TET1: variants seen among roughly 807,000 people sequenced by gnomAD.
TET1 encodes methylcytosine dioxygenase TET1.
TET1 carries 13 observed loss-of-function variants against 148.7 expected under a neutral mutation model. That is an observed-to-expected ratio of 0.09 (90% confidence interval 0.06 to 0.14). TET1 has a LOEUF of 0.14. TET1 is among the 10% of genes least tolerant of loss of function. The pLI, the probability that TET1 is intolerant of heterozygous loss-of-function variation, is 1.00. For synonymous variants in TET1, 907 were observed against 937.2 expected (o/e 0.97, Z 0.59); for missense variants, 2,182 against 2,553.8 (o/e 0.85, Z 3.14).
chr10:68,587,301 A>G (rs527723254), intron 2 of TET1, among the ~76,000 whole-genome samples: 1 of 152,354 alleles, frequency 6.6e-6, no homozygotes, highest in East Asian at 1.9e-4. Context: ...AGGACAAGAC[A>G]GTGGAAGGCC....
At chr10:68,597,705 A>G (rs2054004365) in intron 2 of TET1, among the ~76,000 whole-genome samples, 1 of 152,364 alleles carries the variant, frequency 6.6e-6, no homozygotes, top group South Asian at 2.1e-4. Context: ...ATGTCTAACA[A>G]CAGAATAAGG....
At chr10:68,613,984 T>C (rs1302431725) in intron 3 of TET1, among the ~76,000 whole-genome samples, 6 of 152,144 alleles carry the variant, frequency 3.9e-5, no homozygotes, top group Non-Finnish European at 8.8e-5. Context: ...TGGTGAACCT[T>C]ATTTGAAGGT....
At chr10:68,596,009 C>T (rs1359904170) in intron 2 of TET1, among the ~76,000 whole-genome samples, 2 of 104,060 alleles carry the variant, frequency 1.9e-5, no homozygotes, top group African/African-American at 7.6e-5. Context: ...CACACACACA[C>T]ACACACACAC....
At chr10:68,678,289 T>C (rs943578211) in intron 8 of TET1, among the ~76,000 whole-genome samples, 2 of 152,190 alleles carry the variant, frequency 1.3e-5, no homozygotes, top group African/African-American at 2.4e-5. Context: ...ACCAGGTTTG[T>C]AGAGGGCAGA....
chr10:68,589,575 C>T (rs2053896176), intron 2 of TET1, among the ~76,000 whole-genome samples: 1 of 151,062 alleles, frequency 6.6e-6, no homozygotes, highest in Middle Eastern at 3.2e-3. Flanking sequence ...AAGTGCTGGG[C>T]TGACAGGAGT....
At chr10:68,651,311 G>A (rs534022896) in intron 4 of TET1, among the ~76,000 whole-genome samples, 34 of 152,084 alleles carry the variant, frequency 2.2e-4, no homozygotes, top group African/African-American at 5.5e-4. Flanking sequence ...AAAATTAGCC[G>A]GGCGTGGTGG....
Position 68,573,912 on chromosome 10 carries a change from A to G in TET1, c.1574A>G (p.His525Arg), listed in dbSNP as rs372011235. ...TTAGCCCCTGAGAGAGGACTCTTCC[A>G]TGCTTCACTGGGTATAGCCCAACTC... ...FPLAPERGLFHASLGIAQLSQ... is the reference protein window; with the variant it reads ...FPLAPERGLFRASLGIAQLSQ... The change falls in exon 2 of 12, where the codon CAT becomes CGT. Residue 525 changes from histidine to arginine, a missense_variant. Physicochemically the swap from His to Arg is conservative, Grantham distance 29. This residue lies in a region of TET1 where 665 missense variants were observed against 672.4 expected (regional missense o/e 0.99). Coordinates refer to ENST00000373644, the MANE Select transcript of TET1 (RefSeq NM_030625.3). 9.7e-5 allele frequency: 156 copies of G among 1,614,024 alleles called. No homozygotes were observed. Among genetic ancestry groups the G allele is most frequent in the Non-Finnish European group, 1.2e-4 (147 of 1,180,036 alleles).
At position 68,667,206 on chromosome 10, in the gene TET1, A is replaced by C. The variant is rs780786378; in HGVS notation, c.4623A>C (p.Leu1541=). The change falls in exon 7 of 12, where the codon CTA becomes CTC. Residue 1541 remains leucine (L), a synonymous_variant. Coordinates refer to ENST00000373644, the MANE Select transcript of TET1 (RefSeq NM_030625.3). ...DRLYTELTEN[L]KSYNGHPTDR... ...TATACACAGAGCTCACAGAGAATCT[A>C]AAGTCATACAATGGGCACCCTACCG... The C allele has an allele frequency of 6.2e-7, 1 of 1,614,118 alleles. No individual in the cohort carries two copies. The highest frequency in any genetic ancestry group is 1.1e-5 in the South Asian group (1 of 91,066).
At chr10:68,568,217 CTTTT>C (rs566751115) in intron 1 of TET1, among the ~76,000 whole-genome samples, 20 of 93,790 alleles carry the variant, frequency 2.1e-4, no homozygotes, top group South Asian at 7.7e-4. Context: ...CGCGCCCAGT[CTTTT>C]TTTTTTTTTT....
At chr10:68,665,321 G>GT (rs1326447563) in intron 6 of TET1, among the ~76,000 whole-genome samples, 2 of 151,800 alleles carry the variant, frequency 1.3e-5, no homozygotes, top group East Asian at 3.9e-4. Flanking sequence ...CCTCTGATAG[G>GT]GTTTTGATTG....
chr10:68,618,412 T>A (rs773013463), intron 3 of TET1, among the ~76,000 whole-genome samples: 3 of 152,196 alleles, frequency 2.0e-5, no homozygotes, highest in Non-Finnish European at 4.4e-5. Context: ...CATTCCTTCT[T>A]TATCTTGCCC....
intron 9 of TET1, among the ~76,000 whole-genome samples, chr10:68,681,958 ACT>A (rs1324671435): frequency 2.3e-5 from 2 of 85,848 alleles, no homozygotes; most frequent in East Asian, 4.1e-4. Flanking sequence ...ACAGAGCAAG[ACT>A]CTGTCTCAAA....
intron 10 of TET1, among the ~76,000 whole-genome samples, chr10:68,683,341 C>T (rs537050350): frequency 6.6e-6 from 1 of 152,118 alleles, no homozygotes; most frequent in Non-Finnish European, 1.5e-5. Context: ...GGTAGTGGCA[C>T]GATCTCAGCT....
intron 3 of TET1, among the ~76,000 whole-genome samples, chr10:68,643,689 C>A (rs1291471142): frequency 6.6e-6 from 1 of 151,614 alleles, no homozygotes; most frequent in East Asian, 2.0e-4. Context: ...AGTGTGGTGG[C>A]TGTAATCCCA....
chr10:68,601,103 G>T (rs1240567744), intron 3 of TET1, 69 bp downstream of exon 3: 9 of 1,385,136 alleles, frequency 6.5e-6, no homozygotes, highest in Non-Finnish European at 9.0e-6. Flanking sequence ...CTGCACTTGG[G>T]TATATTTGGA....
At chr10:68,601,139 A>C in intron 3 of TET1, 105 bp downstream of exon 3, 1 of 959,734 alleles carries the variant, frequency 1.0e-6, no homozygotes, top group South Asian at 1.6e-5. Flanking sequence ...ATTCTCCCAG[A>C]TTTTCAGTAG....
At chr10:68,619,438 G>A (rs2054339094) in intron 3 of TET1, among the ~76,000 whole-genome samples, 1 of 151,928 alleles carries the variant, frequency 6.6e-6, no homozygotes, top group South Asian at 2.1e-4. Flanking sequence ...TCACTTTTTT[G>A]CCCTGAGCTC....
intron 4 of TET1, among the ~76,000 whole-genome samples, chr10:68,651,358 G>A (rs1226371308): frequency 6.6e-6 from 1 of 152,032 alleles, no homozygotes; most frequent in Admixed American, 6.5e-5. Context: ...GGAGGCTGAG[G>A]CAGAATGGTG....
At chr10:68,643,164 G>A (rs1433840543) in intron 3 of TET1, among the ~76,000 whole-genome samples, 2 of 148,496 alleles carry the variant, frequency 1.3e-5, no homozygotes, top group Non-Finnish European at 3.0e-5. Flanking sequence ...GGGAGGCTGA[G>A]CTTGGGAGGA....
Sources: allele counts gnomAD v4.1 joint callset (sites outside exome capture counted in the v4.1 genomes callset), GRCh38; gene constraint gnomAD v4.1.1; regional missense constraint gnomAD v4.1.1; transcripts MANE v1.5; gene names NCBI Gene and HGNC (gene_info 2026-07-23, HGNC 2026-07-21).